The following PIK3C2B variants were observed in gnomAD, a reference collection of about 807,000 sequenced individuals.
PIK3C2B encodes the protein phosphatidylinositol-4-phosphate 3-kinase catalytic subunit type 2 beta, also known as phosphatidylinositol 4-phosphate 3-kinase C2 domain-containing subunit beta.
In PIK3C2B, 83 loss-of-function variants were observed where a neutral mutation model predicts 184.3. The observed-to-expected ratio is 0.45, with a 90% confidence interval of 0.38 to 0.54. PIK3C2B has a LOEUF of 0.54. Ranked by LOEUF, PIK3C2B falls within the 20% of genes least tolerant of loss-of-function variation. The pLI, the probability that PIK3C2B is intolerant of heterozygous loss-of-function variation, is 0.00. For missense variants in PIK3C2B, 1,736 were observed against 2,113.5 expected (o/e 0.82, Z 3.50); for synonymous variants, 779 against 837.6 (o/e 0.93, Z 1.21).
At chr1:204,461,434 T>C (rs1329295946) in intron 5 of PIK3C2B, among the ~76,000 whole-genome samples, 2 of 151,972 alleles carry the variant, frequency 1.3e-5, no homozygotes, top group African/African-American at 4.8e-5. Flanking sequence ...GAGAACTACC[T>C]CCAGGCCAGC....
chr1:204,459,910 G>T lies in PIK3C2B; in HGVS notation c.1534C>A (p.His512Asn), dbSNP rs1558260853. 1 of 1,613,916 alleles carries T rather than the reference G, an allele frequency of 6.2e-7. No individual in the cohort carries two copies. Among genetic ancestry groups the T allele is most frequent in the Non-Finnish European group, 8.5e-7 (1 of 1,179,976 alleles). ...AGCAGGAAGGCATCCACCTCATTGT[G>T]GTAAGTGTCGAACAGAAGACTCAGG... ...QALSLLFDTY[H>N]NEVDAFLLAD... is the part of the protein sequence containing the mutation. The change falls in exon 8 of 33, where the codon CAC (histidine) becomes AAC (asparagine). Residue 512 changes from histidine (H) to asparagine (N), a missense_variant. Coordinates refer to ENST00000684373, the MANE Select transcript of PIK3C2B (RefSeq NM_001377334.1).
chr1:204,457,005 G>A (rs377552350), intron 10 of PIK3C2B, 32 bp downstream of exon 10: 53 of 1,555,176 alleles, frequency 3.4e-5, no homozygotes, highest in Non-Finnish European at 4.4e-5. Flanking sequence ...TCGGCAGCCC[G>A]ACTGGATGAA....
chr1:204,466,617 G>A (rs773464111), intron 2 of PIK3C2B, among the ~76,000 whole-genome samples: 1 of 152,070 alleles, frequency 6.6e-6, no homozygotes, highest in Non-Finnish European at 1.5e-5. Context: ...ACAAGAGAAA[G>A]GAGAGAGAGA....
At position 204,469,846 on chromosome 1, in the gene PIK3C2B, C is replaced by A; in HGVS notation, c.-44G>T. Reference sequence around the variant, plus strand: ...AGGCAACAAAGTCTCTACTTCCTGCCAACGTCAGTTCTGGAGGGTTGTGAC... The same window carrying A: ...AGGCAACAAAGTCTCTACTTCCTGCAAACGTCAGTTCTGGAGGGTTGTGAC... On this transcript the variant is annotated 5_prime_UTR_variant, in exon 2 of 33. Coordinates refer to ENST00000684373, the MANE Select transcript of PIK3C2B (RefSeq NM_001377334.1). The A allele has an allele frequency of 7.2e-7, 1 of 1,379,642 alleles. No homozygotes were observed. The highest frequency in any genetic ancestry group is 1.7e-5 in the Admixed American group (1 of 58,858). The allele number at this position is 1,379,642 out of a possible 1,614,324, so 85.5% of individuals were successfully genotyped here.
At chr1:204,449,132 A>T in intron 14 of PIK3C2B, 53 bp downstream of exon 14, 1 of 1,240,156 alleles carries the variant, frequency 8.1e-7, no homozygotes, top group Non-Finnish European at 1.2e-6. Context: ...AAAAATGTAG[A>T]GTTGACTGGA....
At position 204,464,037 on chromosome 1, in the gene PIK3C2B, A is replaced by C; in HGVS notation, c.1285T>G (p.Cys429Gly). 6.2e-7 allele frequency: 1 copy of C among 1,614,166 alleles called. No homozygotes were observed. Among genetic ancestry groups the C allele is most frequent in the Non-Finnish European group, 8.5e-7 (1 of 1,180,014 alleles). ...VDVGDFVLKPCGLEEFLQNKH... is the reference protein window; with the variant it reads ...VDVGDFVLKPGGLEEFLQNKH... Reference sequence around the variant, plus strand: ...TTCTGCAGGAACTCCTCCAGCCCGCAGGGCTTTAGCACAAAGTCACCCACG... The same window carrying C: ...TTCTGCAGGAACTCCTCCAGCCCGCCGGGCTTTAGCACAAAGTCACCCACG... Residue 429 changes from cysteine to glycine, a missense_variant, in exon 5 of 33, where the codon TGC becomes GGC. By Grantham distance (159) the Cys-to-Gly change is radical. Coordinates refer to ENST00000684373, the MANE Select transcript of PIK3C2B (RefSeq NM_001377334.1).
At chr1:204,481,300 G>A (rs1209179643) in intron 1 of PIK3C2B, among the ~76,000 whole-genome samples, 16 of 127,764 alleles carry the variant, frequency 1.3e-4, no homozygotes, top group Admixed American at 4.8e-4. Flanking sequence ...ACATAGTCTC[G>A]CTCTGTCGCC....
In PIK3C2B at chr1:204,447,335, G is replaced by T; in HGVS notation, c.2489+101C>A. 2 of 1,174,892 alleles carry T rather than the reference G, an allele frequency of 1.7e-6. No individual in the cohort carries two copies. Among genetic ancestry groups the T allele is most frequent in the Non-Finnish European group, 2.5e-6 (2 of 816,318 alleles). The allele number at this position is 1,174,892 out of a possible 1,614,324, so 72.8% of individuals were successfully genotyped here. A position where few individuals can be genotyped will look rare whatever the true frequency, so the allele number is the denominator to read the frequency against. On this transcript the variant is annotated intron_variant, in intron 15 of 32. Transcript: ENST00000684373. This position sits in a 1 kb window ranked among gnomAD's most constrained non-coding sequence, Gnocchi z 4.1. ...CTCCACTTCCTGCTGAGATGGCAAT[G>T]CCCACCCCTTCCCACCTCCACTCCC...
chr1:204,438,137 A>G (rs1243274718), intron 23 of PIK3C2B, among the ~76,000 whole-genome samples: 1 of 152,272 alleles, frequency 6.6e-6, no homozygotes, highest in Non-Finnish European at 1.5e-5. Flanking sequence ...AGGATAAAGT[A>G]CATTGATCAA....
chr1:204,425,079 AG>A, intron 32 of PIK3C2B, 39 bp from the exon 33 acceptor site: 1 of 1,551,920 alleles, frequency 6.4e-7, no homozygotes, highest in Non-Finnish European at 8.8e-7. Flanking sequence ...TGGTGAGAGA[AG>A]GAACAAGAAG....
At chr1:204,456,551 A>G (rs1275654932) in intron 10 of PIK3C2B, among the ~76,000 whole-genome samples, 1 of 152,206 alleles carries the variant, frequency 6.6e-6, no homozygotes, top group African/African-American at 2.4e-5. Context: ...GGTCAGTCTT[A>G]GGGCAAAGTT....
chr1:204,423,635 C>T lies in PIK3C2B; in HGVS notation c.*1217G>A, dbSNP rs1674600908. 6.5e-6 allele frequency: 1 copy of T among 152,678 alleles called. No individual in the cohort carries two copies. 9.5% of individuals were successfully genotyped at this position (152,678 alleles called of 1,614,324 possible). A position where few individuals can be genotyped will look rare whatever the true frequency, so the allele number is the denominator to read the frequency against. ...ACAACAGTTTTGATGGAATCCCCCA[C>T]CCCATGCCCCTTTCCTTCAGATAGG... is the stretch of plus-strand genomic sequence containing the variant. On this transcript the variant is annotated 3_prime_UTR_variant, in exon 33 of 33. Coordinates refer to ENST00000684373, the MANE Select transcript of PIK3C2B (RefSeq NM_001377334.1).
intron 2 of PIK3C2B, 75 bp downstream of exon 2, chr1:204,468,795 G>C (rs1013645800): frequency 6.0e-5 from 78 of 1,308,816 alleles, no homozygotes; most frequent in Non-Finnish European, 2.4e-5. Context: ...GTTGGATGTA[G>C]AACAGCAGAG....
intron 12 of PIK3C2B, among the ~76,000 whole-genome samples, chr1:204,453,866 C>T (rs949371984): frequency 7.9e-5 from 12 of 151,926 alleles, no homozygotes; most frequent in African/African-American, 2.9e-4. Context: ...CTCCACCTCC[C>T]GGGTTCAAGC....
chr1:204,456,982 G>A (rs891574870), intron 10 of PIK3C2B, 55 bp downstream of exon 10: 2 of 1,479,340 alleles, frequency 1.4e-6, no homozygotes, highest in African/African-American at 2.8e-5. Flanking sequence ...AATCGGGGCA[G>A]AGACTGCAGT....
Position 204,424,809 on chromosome 1 carries a change from T to A in PIK3C2B, c.*43A>T, listed in dbSNP as rs1296062583. Reference sequence around the variant, plus strand: ...ACAGGGGAGAGTCCTCTCCCCCAGCTCCTGCCACCAGCCTGGGATGCTGGG... The same window carrying A: ...ACAGGGGAGAGTCCTCTCCCCCAGCACCTGCCACCAGCCTGGGATGCTGGG... On this transcript the variant is annotated 3_prime_UTR_variant, in exon 33 of 33. Coordinates refer to ENST00000684373, the MANE Select transcript of PIK3C2B (RefSeq NM_001377334.1). 6.3e-7 allele frequency: 1 copy of A among 1,598,996 alleles called. No homozygotes were observed. The highest frequency in any genetic ancestry group is 8.6e-7 in the Non-Finnish European group (1 of 1,166,568).
rs1280371172 is a variant in PIK3C2B, at chr1:204,469,511, G to A, written c.292C>T (p.Pro98Ser). Residue 98 changes from proline (P) to serine (S), a missense_variant, in exon 2 of 33, where the codon CCA becomes TCA. Coordinates refer to ENST00000684373, the MANE Select transcript of PIK3C2B (RefSeq NM_001377334.1). ...GAGTGGTTGGGCGGCCCTTCCTGTG[G>A]GGAGAGTGAGTTGTAGTTAAGGGTA... ...DPTLNYNSLS[P>S]QEGPPNHSTS... is the part of the protein sequence containing the mutation. 1.2e-6 allele frequency: 2 copies of A among 1,607,904 alleles called. No individual in the cohort carries two copies. The highest frequency in any genetic ancestry group is 1.1e-5 in the South Asian group (1 of 89,924).
chr1:204,426,967 C>T (rs1298910373), intron 31 of PIK3C2B, among the ~76,000 whole-genome samples: 2 of 152,146 alleles, frequency 1.3e-5, no homozygotes, highest in Non-Finnish European at 2.9e-5. Flanking sequence ...GAAACCCGGT[C>T]TCTAATTTTA....
In PIK3C2B at chr1:204,466,998, C is replaced by G. The variant is rs758459982; in HGVS notation, c.934-1679G>C. ...GGGTCCCCCCTCCCAGCAGGCTGAG[C>G]CCCTGCAACAAGCTGAGCCGGGGAG... On this transcript the variant is annotated intron_variant, in intron 2 of 32. Coordinates refer to ENST00000684373, the MANE Select transcript of PIK3C2B (RefSeq NM_001377334.1). 51 of 497,776 alleles carry G rather than the reference C, an allele frequency of 1.0e-4. 1 individual carries two copies. The highest frequency in any genetic ancestry group is 7.1e-4 in the South Asian group (48 of 67,242). The allele number at this position is 497,776 out of a possible 1,614,324, so 30.8% of individuals were successfully genotyped here.
Sources: gnomAD v4.1 joint callset for allele counts (sites outside exome capture counted in the v4.1 genomes callset) on GRCh38, gnomAD v4.1.1 for gene constraint, Gnocchi (gnomAD v3.1) non-coding constraint, MANE v1.5 for transcripts, NCBI Gene and HGNC (gene_info 2026-07-23, HGNC 2026-07-21) for gene names.